The following BUB1B variants were observed in gnomAD, a reference collection of about 807,000 sequenced individuals.
BUB1B encodes the protein mitotic checkpoint serine/threonine-protein kinase BUB1 beta.
Under a neutral mutation model 137.7 loss-of-function variants are expected in BUB1B, and 86 were observed. The ratio of observed to expected loss-of-function variants is 0.62; its 90% CI spans 0.52 to 0.75. BUB1B has a LOEUF of 0.75. Ranked by LOEUF, BUB1B falls within the 30% of genes least tolerant of loss-of-function variation. The pLI, the probability that BUB1B is intolerant of heterozygous loss-of-function variation, is 0.00. For synonymous variants in BUB1B, 420 were observed against 417.9 expected (o/e 1.00, Z -0.06); for missense variants, 1,130 against 1,236.9 (o/e 0.91, Z 1.30).
In BUB1B at chr15:40,206,387, A is replaced by G. The variant is rs1189177411; in HGVS notation, c.1938A>G (p.Val646=). ...ERLLPEEDLD[V]KTSEDQQTAC... ...TGTTACCGGAAGAAGATCTAGATGT[A>G]AAGACCTCTGAGGACCAGCAGACAG... Residue 646 remains valine (V), a synonymous_variant, in exon 15 of 23, where the codon GTA becomes GTG. Transcript: ENST00000287598. The G allele has an allele frequency of 1.9e-6, 3 of 1,614,220 alleles. No individual in the cohort carries two copies. The highest frequency in any genetic ancestry group is 1.3e-5 in the African/African-American group (1 of 75,062).
At chr15:40,176,275 C>G (rs770117340) in intron 4 of BUB1B, among the ~76,000 whole-genome samples, 44 of 152,128 alleles carry the variant, frequency 2.9e-4, no homozygotes, top group Non-Finnish European at 4.1e-4. Context: ...CTTCTTGAAG[C>G]CTTTACTCTC....
At chr15:40,176,442 T>G (rs1227844756) in intron 4 of BUB1B, 35 bp from the exon 5 acceptor site, 2 of 1,594,866 alleles carry the variant, frequency 1.3e-6, no homozygotes, top group South Asian at 2.2e-5. Flanking sequence ...AATACGTGAG[T>G]AGAAATTGGT....
intron 5 of BUB1B, among the ~76,000 whole-genome samples, chr15:40,181,917 C>G (rs917500695): frequency 3.9e-5 from 6 of 152,154 alleles, no homozygotes; most frequent in Non-Finnish European, 7.4e-5. Flanking sequence ...ACTTTAAAAT[C>G]TCCAGGCTGG....
At chr15:40,214,032 A>C (rs2037745705) in intron 20 of BUB1B, among the ~76,000 whole-genome samples, 1 of 152,234 alleles carries the variant, frequency 6.6e-6, no homozygotes, top group African/African-American at 2.4e-5. Flanking sequence ...TGTCAAGATG[A>C]GATATAAAAT....
intron 14 of BUB1B, among the ~76,000 whole-genome samples, chr15:40,205,178 C>G (rs1320824619): frequency 3.9e-5 from 6 of 152,030 alleles, no homozygotes; most frequent in Admixed American, 3.9e-4. Context: ...AGCGCCTGAC[C>G]TCAGGTGATC....
At chr15:40,213,607 C>A in intron 20 of BUB1B, 133 bp downstream of exon 20, 1 of 952,354 alleles carries the variant, frequency 1.1e-6, no homozygotes, top group Non-Finnish European at 1.6e-6. Flanking sequence ...ATGATCTTGG[C>A]TCACTGCAGC....
intron 18 of BUB1B, among the ~76,000 whole-genome samples, chr15:40,210,665 A>T (rs2037699792): frequency 6.6e-6 from 1 of 151,778 alleles, no homozygotes; most frequent in Admixed American, 6.6e-5. Context: ...GCACGCCACC[A>T]CTCCCAGCTA....
At chr15:40,188,897 T>C (rs914844792) in intron 8 of BUB1B, among the ~76,000 whole-genome samples, 1 of 152,042 alleles carries the variant, frequency 6.6e-6, no homozygotes, top group Non-Finnish European at 1.5e-5. Flanking sequence ...AGCTTTTTTT[T>C]CTTTTTTTTT....
At chr15:40,218,173 C>T (rs1388166125) in intron 21 of BUB1B, among the ~76,000 whole-genome samples, 1 of 152,206 alleles carries the variant, frequency 6.6e-6, no homozygotes, top group East Asian at 1.9e-4. Flanking sequence ...CCATTTAGAT[C>T]ACAGCTGGAG....
intron 8 of BUB1B, among the ~76,000 whole-genome samples, chr15:40,193,288 G>A (rs1467775491): frequency 6.6e-6 from 1 of 152,052 alleles, no homozygotes; most frequent in East Asian, 1.9e-4. Flanking sequence ...ATCAATGAGA[G>A]CTTCTATTGT....
At position 40,206,238 on chromosome 15, in the gene BUB1B, A is replaced by G; in HGVS notation, c.1789A>G (p.Arg597Gly). Residue 597 changes from arginine to glycine, a missense_variant, in exon 15 of 23, where the codon AGA (arginine) becomes GGA (glycine). Coordinates refer to ENST00000287598, the MANE Select transcript of BUB1B (RefSeq NM_001211.6). ...CGAGGATGCCATTATCACAGGCTTC[A>G]GAAATGTAACAATTTGTCCTAACCC... ...LSEDAIITGF[R>G]NVTICPNPED... The G allele has an allele frequency of 6.2e-7, 1 of 1,614,230 alleles. No homozygotes were observed.
intron 1 of BUB1B, among the ~76,000 whole-genome samples, chr15:40,164,081 G>A (rs1157448538): frequency 6.6e-6 from 1 of 152,178 alleles, no homozygotes; most frequent in Non-Finnish European, 1.5e-5. Flanking sequence ...TTCTCAGTAG[G>A]CTTGCTAGAA....
At chr15:40,170,021 G>C (rs545833887) in intron 2 of BUB1B, 41 bp from the exon 3 acceptor site, 3 of 1,489,518 alleles carry the variant, frequency 2.0e-6, no homozygotes, top group South Asian at 2.3e-5. Flanking sequence ...ATTGGCTGTT[G>C]TCACTATTGC....
chr15:40,190,439 C>T (rs1445198748), intron 8 of BUB1B, among the ~76,000 whole-genome samples: 1 of 151,844 alleles, frequency 6.6e-6, no homozygotes, highest in African/African-American at 2.4e-5. Context: ...TAGTGAGACC[C>T]CATCTCTACT....
intron 6 of BUB1B, 22 bp from the exon 7 acceptor site, chr15:40,185,143 G>A: frequency 6.3e-7 from 1 of 1,584,440 alleles, no homozygotes; most frequent in East Asian, 2.2e-5. Context: ...TTTACATGAG[G>A]TTTTAATATT....
chr15:40,207,526 T>G (rs752744022), intron 15 of BUB1B, among the ~76,000 whole-genome samples: 1 of 152,200 alleles, frequency 6.6e-6, no homozygotes, highest in Non-Finnish European at 1.5e-5. Flanking sequence ...CTCTTTTCTT[T>G]GCCTAACCTT....
Position 40,185,348 on chromosome 15 carries a change from C to G in BUB1B, c.935C>G (p.Pro312Arg). The G allele has an allele frequency of 6.2e-7, 1 of 1,614,186 alleles. No individual in the cohort carries two copies. Among genetic ancestry groups the G allele is most frequent in the Non-Finnish European group, 8.5e-7 (1 of 1,180,034 alleles). ...RAKENELQAG[P>R]WNTGRSLEHR... The stretch of plus-strand genomic sequence containing the variant: ...AAAGAGAATGAGCTGCAAGCAGGCC[C>G]TTGGAACACAGGCAGGTCCTTGGAA... The change falls in exon 7 of 23, where the codon CCT becomes CGT. Residue 312 changes from proline (P) to arginine (R), a missense_variant. Coordinates refer to ENST00000287598, the MANE Select transcript of BUB1B (RefSeq NM_001211.6).
intron 8 of BUB1B, among the ~76,000 whole-genome samples, chr15:40,187,820 TG>T (rs777608055): frequency 3.3e-5 from 5 of 152,078 alleles, no homozygotes; most frequent in Non-Finnish European, 7.4e-5. Context: ...AGGGATCACT[TG>T]AGCCCAGGAG....
intron 8 of BUB1B, among the ~76,000 whole-genome samples, chr15:40,189,573 G>A (rs953885896): frequency 2.0e-5 from 3 of 152,168 alleles, no homozygotes; most frequent in Non-Finnish European, 4.4e-5. Flanking sequence ...GTAGTATTCC[G>A]TTGTGTGGCT....
Sources: gnomAD v4.1 joint callset for allele counts (sites outside exome capture counted in the v4.1 genomes callset) on GRCh38, gnomAD v4.1.1 for gene constraint, MANE v1.5 for transcripts, NCBI Gene and HGNC (gene_info 2026-07-23, HGNC 2026-07-21) for gene names.